ARID1A: variants seen among roughly 807,000 people sequenced by gnomAD.
ARID1A encodes the protein AT-rich interaction domain 1A.
A neutral mutation model predicts 212.6 loss-of-function variants in ARID1A; 20 were observed. The observed-to-expected ratio is 0.09, with a 90% CI of 0.07 to 0.14. The LOEUF (loss-of-function observed/expected upper bound fraction) is 0.14, where lower values mean the gene tolerates loss of function less well. Among genes scored for constraint, ARID1A ranks in the 10% least tolerant of loss-of-function variants. The pLI is 1.00. For missense variants in ARID1A, 2,587 were observed against 3,059.0 expected (o/e 0.85, Z 3.64); for synonymous variants, 1,376 against 1,222.1 (o/e 1.13, Z -2.63).
In ARID1A at chr1:26,774,166, T is replaced by A; in HGVS notation, c.4102-163T>A. On this transcript the variant is annotated intron_variant, in intron 17 of 19. Coordinates refer to ENST00000324856, the MANE Select transcript of ARID1A (RefSeq NM_006015.6). This position sits in a 1 kb window ranked among gnomAD's most constrained non-coding sequence, Gnocchi z 5.6. ...AAGGGAAGGGAAGAAAGAGTGGTGG[T>A]TGCTTTTGGAAACAACTTCAAAAGA... The A allele has an allele frequency of 7.4e-7, 1 of 1,352,120 alleles. No individual in the cohort carries two copies. Among genetic ancestry groups the A allele is most frequent in the East Asian group, 2.6e-5 (1 of 38,972 alleles). The allele number at this position is 1,352,120 out of a possible 1,614,324, so 83.8% of individuals were successfully genotyped here. A position where few individuals can be genotyped will look rare whatever the true frequency, so the allele number is the denominator to read the frequency against.
intron 1 of ARID1A, among the ~76,000 whole-genome samples, chr1:26,700,434 AG>A (rs2080321017): frequency 6.6e-6 from 1 of 152,232 alleles, no homozygotes; most frequent in Non-Finnish European, 1.5e-5. Context: ...GGACCTGGGA[AG>A]ATCTTAGACA....
chr1:26,775,904 C>T (rs2081130581), intron 19 of ARID1A, 197 bp downstream of exon 19: 1 of 802,702 alleles, frequency 1.2e-6, no homozygotes, highest in Non-Finnish European at 2.1e-6. Context: ...TACATGATAA[C>T]CTTAACACAG....
At chr1:26,701,698 CAG>C (rs1457832019) in intron 1 of ARID1A, among the ~76,000 whole-genome samples, 14 of 152,168 alleles carry the variant, frequency 9.2e-5, no homozygotes, top group Non-Finnish European at 5.9e-5. Context: ...GTACATAAAT[CAG>C]GGGTCTTGAG....
At chr1:26,753,421 G>A (rs1056507238) in intron 4 of ARID1A, among the ~76,000 whole-genome samples, 4 of 152,164 alleles carry the variant, frequency 2.6e-5, no homozygotes, top group Non-Finnish European at 5.9e-5. Flanking sequence ...CCTCTATCAG[G>A]TCACATCCCA....
chr1:26,752,472 G>GTAGT (rs1230507328), intron 4 of ARID1A, among the ~76,000 whole-genome samples: 2 of 152,204 alleles, frequency 1.3e-5, no homozygotes, highest in Non-Finnish European at 2.9e-5. Flanking sequence ...TTCAGTAGAG[G>GTAGT]TAGTCCCTTC....
intron 1 of ARID1A, among the ~76,000 whole-genome samples, chr1:26,699,772 G>A (rs972621711): frequency 6.6e-6 from 1 of 152,112 alleles, no homozygotes; most frequent in Non-Finnish European, 1.5e-5. Context: ...AAGTCATTTG[G>A]GGTAGTAAGT....
At position 26,771,033 on chromosome 1, in the gene ARID1A, A is replaced by G. The variant is rs2124096157; in HGVS notation, c.3199-86A>G. On this transcript the variant is annotated intron_variant, in intron 11 of 19. Transcript: ENST00000324856. This position sits in a 1 kb window ranked among gnomAD's most constrained non-coding sequence, Gnocchi z 5.4. ...GAACTGTGGTTCTACAAAGATGAATACCTTACAGCCTGATGGGGCTTGGGG... is the reference window on the plus strand; with the variant it reads ...GAACTGTGGTTCTACAAAGATGAATGCCTTACAGCCTGATGGGGCTTGGGG... 1.6e-6 allele frequency: 2 copies of G among 1,217,738 alleles called. No homozygotes were observed. Among genetic ancestry groups the G allele is most frequent in the African/African-American group, 3.0e-5 (2 of 66,364 alleles). 75.4% of individuals were successfully genotyped at this position (1,217,738 alleles called of 1,614,324 possible). A position where few individuals can be genotyped will look rare whatever the true frequency, so the allele number is the denominator to read the frequency against.
chr1:26,749,661 G>A (rs908807463), intron 4 of ARID1A, among the ~76,000 whole-genome samples: 5 of 152,316 alleles, frequency 3.3e-5, no homozygotes, highest in South Asian at 2.1e-4. Flanking sequence ...AGAACAGCAC[G>A]TTCTCGTATT....
chr1:26,778,995 A>G (rs1311418945), intron 19 of ARID1A, 28 bp from the exon 20 acceptor site: 1 of 1,498,162 alleles, frequency 6.7e-7, no homozygotes, highest in Non-Finnish European at 8.9e-7. Flanking sequence ...TTCTCCCTTA[A>G]TTTATTTCCT....
chr1:26,766,063 A>C (rs1167038963), intron 8 of ARID1A, among the ~76,000 whole-genome samples, 158 bp from the exon 9 acceptor site: 1 of 152,084 alleles, frequency 6.6e-6, no homozygotes, highest in Non-Finnish European at 1.5e-5. Flanking sequence ...TTAAAGAAAA[A>C]TAATATCTGG....
intron 1 of ARID1A, among the ~76,000 whole-genome samples, chr1:26,726,174 G>GTT (rs1297710813): frequency 5.2e-4 from 56 of 107,338 alleles, no homozygotes; most frequent in East Asian, 1.6e-3. Context: ...GTTTTTTTTT[G>GTT]TTTTTTTTTT....
In ARID1A at chr1:26,780,943, C is replaced by A; in HGVS notation, c.*187C>A. On this transcript the variant is annotated 3_prime_UTR_variant, in exon 20 of 20. Transcript: ENST00000324856. The surrounding 1 kb of genome is among the most constrained non-coding windows in gnomAD (Gnocchi z 7.2). ...CTTCCACCTCCCCTCCCTCCATCAC[C>A]TCACGCCTTTCTGTTCCTTGTCCTC... The A allele has an allele frequency of 1.3e-6, 1 of 785,400 alleles. No homozygotes were observed. Among genetic ancestry groups the A allele is most frequent in the Non-Finnish European group, 1.9e-6 (1 of 515,328 alleles). The allele number at this position is 785,400 out of a possible 1,614,324, so 48.7% of individuals were successfully genotyped here. A position where few individuals can be genotyped will look rare whatever the true frequency, so the allele number is the denominator to read the frequency against.
At position 26,772,763 on chromosome 1, in the gene ARID1A, T is replaced by C. The variant is rs1363905750; in HGVS notation, c.3540-49T>C. 1.9e-6 allele frequency: 3 copies of C among 1,607,062 alleles called. No homozygotes were observed. The Admixed American group carries it at 5.0e-5, about 27-fold the overall frequency. ...GACTCCTGCGTGTCCTTTGTTATAT[T>C]GGAGGAATTGGTTTATTTGTGGTTT... On this transcript the variant is annotated intron_variant, in intron 13 of 19. Transcript: ENST00000324856.
Position 26,775,333 on chromosome 1 carries a change from A to G in ARID1A, c.4993+113A>G. On this transcript the variant is annotated intron_variant, in intron 18 of 19. Transcript: ENST00000324856. ...TGAATCTGGTCCAGTGTTGACTAAA[A>G]TAGAACCAAAGAACTTTGGAAAAGG... 4.1e-6 allele frequency: 6 copies of G among 1,459,968 alleles called. No homozygotes were observed. The South Asian group carries it at 4.3e-5, about 10-fold the overall frequency. 90.4% of individuals were successfully genotyped at this position (1,459,968 alleles called of 1,614,324 possible). A position where few individuals can be genotyped will look rare whatever the true frequency, so the allele number is the denominator to read the frequency against.
intron 1 of ARID1A, among the ~76,000 whole-genome samples, chr1:26,702,381 A>G (rs1224085838): frequency 6.6e-6 from 1 of 152,146 alleles, no homozygotes; most frequent in Non-Finnish European, 1.5e-5. Flanking sequence ...TTAGAAGTGT[A>G]ATTTAGGTAT....
At chr1:26,768,096 A>C (rs750358745) in intron 11 of ARID1A, 97 bp downstream of exon 11, 1 of 1,311,262 alleles carries the variant, frequency 7.6e-7, no homozygotes, top group East Asian at 2.3e-5. Context: ...TCCCACAGGG[A>C]CATCATCCCC....
At chr1:26,746,025 T>C (rs186942904) in intron 4 of ARID1A, among the ~76,000 whole-genome samples, 168 of 152,238 alleles carry the variant, frequency 1.1e-3, no homozygotes, top group African/African-American at 3.9e-3. Context: ...CACTCCAGTC[T>C]GGGCAACAAG....
intron 4 of ARID1A, among the ~76,000 whole-genome samples, chr1:26,756,593 CA>C (rs1237151624): frequency 8.8e-5 from 13 of 147,826 alleles, no homozygotes; most frequent in Admixed American, 6.0e-4. Context: ...AAAACACACA[CA>C]AAAAAAAACC....
intron 4 of ARID1A, among the ~76,000 whole-genome samples, chr1:26,745,057 G>A (rs1032723447): frequency 2.6e-5 from 4 of 152,150 alleles, no homozygotes; most frequent in African/African-American, 2.4e-5. Flanking sequence ...GAGGATTTCT[G>A]TACTGGACCC....
Sources: gnomAD v4.1 joint callset for allele counts (sites outside exome capture counted in the v4.1 genomes callset) on GRCh38, gnomAD v4.1.1 for gene constraint, Gnocchi (gnomAD v3.1) non-coding constraint, MANE v1.5 for transcripts, NCBI Gene and HGNC (gene_info 2026-07-23, HGNC 2026-07-21) for gene names.